Variants in PTPRT observed in about 807,000 individuals in gnomAD.
PTPRT encodes the protein receptor-type tyrosine-protein phosphatase T.
PTPRT carries 56 observed loss-of-function variants against 176.8 expected under a neutral mutation model. The observed-to-expected ratio is 0.32, with a 90% CI of 0.26 to 0.40. The LOEUF (loss-of-function observed/expected upper bound fraction) is 0.40. Ranked by LOEUF, PTPRT falls within the 10% of genes least tolerant of loss-of-function variation. The pLI, the probability that PTPRT is intolerant of heterozygous loss-of-function variation, is 1.00. For missense variants in PTPRT, 1,540 were observed against 1,908.2 expected, an observed-to-expected ratio of 0.81 and a Z score of 3.60; for synonymous variants, 783 against 739.0, an observed-to-expected ratio of 1.06 and a Z score of -0.96.
intron 16 of PTPRT, among the ~76,000 whole-genome samples, chr20:42,186,747 T>G (rs190126354): frequency 2.0e-5 from 3 of 152,208 alleles, no homozygotes; most frequent in Admixed American, 2.0e-4. Flanking sequence ...GACTACAGAA[T>G]GACACGGATG....
intron 20 of PTPRT, among the ~76,000 whole-genome samples, chr20:42,118,963 T>C (rs865881655): frequency 2.9e-4 from 40 of 138,114 alleles, no homozygotes; most frequent in African/African-American, 1.0e-3. Flanking sequence ...CCTGATTTTG[T>C]GCTTGACAAA....
At chr20:42,676,606 C>G (rs1428243733) in intron 7 of PTPRT, among the ~76,000 whole-genome samples, 1 of 151,966 alleles carries the variant, frequency 6.6e-6, no homozygotes, top group Non-Finnish European at 1.5e-5. Flanking sequence ...AGCTGAGAGT[C>G]AGAAAATCTA....
chr20:42,497,305 T>C (rs539994377), intron 7 of PTPRT, among the ~76,000 whole-genome samples: 15 of 152,054 alleles, frequency 9.9e-5, no homozygotes, highest in Middle Eastern at 3.4e-3. Context: ...ATGGCATTTT[T>C]CCCCCCCAGA....
intron 12 of PTPRT, among the ~76,000 whole-genome samples, chr20:42,313,177 T>C (rs1267290120): frequency 6.6e-6 from 1 of 152,114 alleles, no homozygotes; most frequent in Non-Finnish European, 1.5e-5. Flanking sequence ...GCCATGGCAA[T>C]GTCAGGAAGT....
intron 21 of PTPRT, 63 bp from the exon 22 acceptor site, chr20:42,115,378 C>T (rs1987225563): frequency 8.0e-7 from 1 of 1,255,376 alleles, no homozygotes; most frequent in Non-Finnish European, 1.2e-6. Flanking sequence ...AAGCACATGG[C>T]TGAGTGTGAG....
At chr20:42,868,537 A>G (rs1015221804) in intron 2 of PTPRT, among the ~76,000 whole-genome samples, 1 of 152,226 alleles carries the variant, frequency 6.6e-6, no homozygotes, top group African/African-American at 2.4e-5. Context: ...AATCAATTAA[A>G]GATGAATTTA....
chr20:42,744,065 C>T (rs1490201418), intron 6 of PTPRT, among the ~76,000 whole-genome samples: 1 of 152,230 alleles, frequency 6.6e-6, no homozygotes, highest in African/African-American at 2.4e-5. Context: ...AGGACAGTTC[C>T]CATGACCAGC....
chr20:42,831,259 TAA>T (rs1424850026), intron 2 of PTPRT, among the ~76,000 whole-genome samples: 1 of 152,030 alleles, frequency 6.6e-6, no homozygotes, highest in African/African-American at 2.4e-5. Context: ...ACAAGGCTGA[TAA>T]AAACAAGCAA....
At chr20:42,593,322 G>T (rs1336645613) in intron 7 of PTPRT, among the ~76,000 whole-genome samples, 1 of 152,074 alleles carries the variant, frequency 6.6e-6, no homozygotes, top group Non-Finnish European at 1.5e-5. Context: ...TATTAAGAAG[G>T]GAAGCTGTGT....
At chr20:43,178,560 C>T (rs538250087) in intron 1 of PTPRT, among the ~76,000 whole-genome samples, 2 of 152,326 alleles carry the variant, frequency 1.3e-5, no homozygotes, top group East Asian at 1.9e-4. Flanking sequence ...ACAGTCAAAA[C>T]ATCCAAAGCT....
In PTPRT at chr20:42,784,120, T is replaced by C. The variant is rs139471155; in HGVS notation, c.487-3821A>G. ...AAGAGATGAGGCTTGCATGGAAAGG[T>C]GAAAACCTCTCCCTGTGCATGACTA... On this transcript the variant is annotated intron_variant, in intron 3 of 30. Transcript: ENST00000373187. 1.6e-4 allele frequency among the ~76,000 whole-genome samples: 25 copies of C among 152,240 alleles called. 1 individual carries two copies. In the East Asian group the frequency reaches 4.4e-3, roughly 27 times the overall value.
chr20:43,057,276 AG>A (rs1987276528), intron 1 of PTPRT, among the ~76,000 whole-genome samples: 1 of 89,106 alleles, frequency 1.1e-5, no homozygotes, highest in African/African-American at 4.5e-5. Context: ...GGAAGGAGGA[AG>A]GGGGGGAAGG....
intron 7 of PTPRT, among the ~76,000 whole-genome samples, chr20:42,645,593 A>T (rs772613447): frequency 5.3e-5 from 8 of 152,218 alleles, no homozygotes; most frequent in Non-Finnish European, 8.8e-5. Context: ...TCCTATGAAG[A>T]AGGAAATATG....
intron 1 of PTPRT, among the ~76,000 whole-genome samples, chr20:43,048,864 T>C (rs1183982728): frequency 1.3e-5 from 2 of 152,088 alleles, no homozygotes; most frequent in African/African-American, 2.4e-5. Flanking sequence ...ACAGCAGTCT[T>C]CCTGCAAGTG....
intron 1 of PTPRT, among the ~76,000 whole-genome samples, chr20:42,930,632 G>A (rs1218398684): frequency 6.6e-6 from 1 of 151,986 alleles, no homozygotes; most frequent in African/African-American, 2.4e-5. Context: ...ACAGGCACAG[G>A]CCACCATGCC....
chr20:42,258,412 C>G (rs1434249975), intron 13 of PTPRT, among the ~76,000 whole-genome samples: 2 of 152,156 alleles, frequency 1.3e-5, no homozygotes, highest in African/African-American at 4.8e-5. Context: ...TGTATATCAA[C>G]CACCACCTCC....
intron 7 of PTPRT, among the ~76,000 whole-genome samples, chr20:42,560,450 G>A (rs1245589457): frequency 6.6e-6 from 1 of 152,144 alleles, no homozygotes; most frequent in Non-Finnish European, 1.5e-5. Flanking sequence ...ATATTTCAAA[G>A]CATTCCTGGC....
chr20:42,519,415 G>A (rs2072129504), intron 7 of PTPRT, among the ~76,000 whole-genome samples: 1 of 152,094 alleles, frequency 6.6e-6, no homozygotes, highest in South Asian at 2.1e-4. Flanking sequence ...GTATGAAGGT[G>A]CAATGAACAC....
At chr20:42,383,191 A>G (rs1249042451) in intron 9 of PTPRT, among the ~76,000 whole-genome samples, 1 of 152,164 alleles carries the variant, frequency 6.6e-6, no homozygotes, top group African/African-American at 2.4e-5. Context: ...AGAGCACAGG[A>G]CTTCTGAAAT....
Sources: gnomAD v4.1 joint callset for allele counts (sites outside exome capture counted in the v4.1 genomes callset) on GRCh38, gnomAD v4.1.1 for gene constraint, MANE v1.5 for transcripts, NCBI Gene and HGNC (gene_info 2026-07-23, HGNC 2026-07-21) for gene names.